The following DNAJC24 variants were observed in gnomAD, a reference collection of about 807,000 sequenced individuals.
The protein encoded by DNAJC24 is dnaJ homolog subfamily C member 24.
In DNAJC24, 17 loss-of-function variants were observed where a neutral mutation model predicts 18.0. That is an observed-to-expected ratio of 0.94 (90% CI 0.65 to 1.42). DNAJC24 has a LOEUF of 1.42. Ranked by LOEUF, DNAJC24 falls within the 40% of genes most tolerant of loss-of-function variation. The pLI is 0.00. For synonymous variants in DNAJC24, 55 were observed against 57.7 expected (o/e 0.95, Z 0.21); for missense variants, 158 against 175.6 (o/e 0.90, Z 0.57).
chr11:31,411,752 A>G (rs1952712828), intron 2 of DNAJC24, among the ~76,000 whole-genome samples: 1 of 152,228 alleles, frequency 6.6e-6, no homozygotes, highest in East Asian at 1.9e-4. Flanking sequence ...TTCCCATTTC[A>G]TGAACTACAA....
chr11:31,419,704 A>G (rs773986866), intron 3 of DNAJC24, among the ~76,000 whole-genome samples: 43 of 152,002 alleles, frequency 2.8e-4, no homozygotes, highest in Admixed American at 1.8e-3. Context: ...ACTTGACCCA[A>G]TTGAAATCAG....
At chr11:31,397,094 C>G (rs574097362) in intron 2 of DNAJC24, among the ~76,000 whole-genome samples, 1 of 152,288 alleles carries the variant, frequency 6.6e-6, no homozygotes, top group African/African-American at 2.4e-5. Context: ...ATGCTGTCAT[C>G]TTATTCATGC....
intron 4 of DNAJC24, chr11:31,426,904 T>G (rs1355693601): frequency 6.6e-6 from 1 of 151,960 alleles, no homozygotes; most frequent in Non-Finnish European, 1.5e-5. Context: ...AAGTCATGTC[T>G]TTTTTGCTTT....
intron 2 of DNAJC24, among the ~76,000 whole-genome samples, chr11:31,387,897 T>G (rs958959452): frequency 2.6e-5 from 4 of 152,082 alleles, no homozygotes; most frequent in Non-Finnish European, 5.9e-5. Context: ...ATCAAATAAA[T>G]TTAACAGAAA....
chr11:31,374,477 A>G (rs1198612017), intron 2 of DNAJC24, among the ~76,000 whole-genome samples: 1 of 134,260 alleles, frequency 7.4e-6, no homozygotes, highest in Non-Finnish European at 1.7e-5. Context: ...TATTATATTT[A>G]TACATTGAGG....
intron 2 of DNAJC24, among the ~76,000 whole-genome samples, chr11:31,372,156 G>C (rs1952271211): frequency 6.6e-6 from 1 of 151,736 alleles, no homozygotes; most frequent in Non-Finnish European, 1.5e-5. Flanking sequence ...TGTAGTATTT[G>C]TAAATATATC....
At chr11:31,381,552 C>T (rs995560038) in intron 2 of DNAJC24, among the ~76,000 whole-genome samples, 2 of 150,710 alleles carry the variant, frequency 1.3e-5, no homozygotes, top group Admixed American at 1.3e-4. Context: ...CTATTCATTA[C>T]TTTTTGGTTA....
chr11:31,399,532 G>C (rs987715961), intron 2 of DNAJC24, among the ~76,000 whole-genome samples: 1 of 150,916 alleles, frequency 6.6e-6, no homozygotes, highest in African/African-American at 2.4e-5. Flanking sequence ...TTCTGCCTCA[G>C]CTTCCTGAGT....
At chr11:31,422,354 C>T (rs1439346470) in intron 3 of DNAJC24, among the ~76,000 whole-genome samples, 3 of 152,260 alleles carry the variant, frequency 2.0e-5, no homozygotes, top group African/African-American at 7.2e-5. Flanking sequence ...CTTTTAGTAT[C>T]ATTGGACTCA....
At position 31,432,701 on chromosome 11, in the gene DNAJC24, A is replaced by C. The variant is rs1175706544; in HGVS notation, c.*2300A>C. 1 of 640,314 alleles carries C rather than the reference A, an allele frequency of 1.6e-6. No individual in the cohort carries two copies. The highest frequency in any genetic ancestry group is 2.8e-6 in the Non-Finnish European group (1 of 356,168). 39.7% of individuals were successfully genotyped at this position (640,314 alleles called of 1,614,324 possible). On this transcript the variant is annotated 3_prime_UTR_variant, in exon 5 of 5. Transcript: ENST00000465995. ...CTCCTTACTCATCAATCAAGAATAA[A>C]ATTTTCTACATCAAAGTAAGACTTG...
intron 2 of DNAJC24, among the ~76,000 whole-genome samples, chr11:31,390,761 T>C (rs1319509974): frequency 1.4e-5 from 2 of 147,790 alleles, no homozygotes; most frequent in African/African-American, 5.0e-5. Context: ...CAGCACCCAA[T>C]GGATTCACTG....
At position 31,401,935 on chromosome 11, in the gene DNAJC24, T is replaced by C. The variant is rs1952604721; in HGVS notation, c.112-12876T>C. On this transcript the variant is annotated intron_variant, in intron 2 of 4. Coordinates refer to ENST00000465995, the MANE Select transcript of DNAJC24 (RefSeq NM_181706.5). ...ATTCACAAAGATTCCATAGCAAGAG[T>C]TGCCGTTACATTACGGAGCCAAATT... Among the ~76,000 whole-genome samples, 3 of 152,088 alleles carry C rather than the reference T, an allele frequency of 2.0e-5. No individual in the cohort carries two copies. The South Asian group carries it at 6.2e-4, about 32-fold the overall frequency.
At chr11:31,383,720 G>A (rs1303408624) in intron 2 of DNAJC24, among the ~76,000 whole-genome samples, 1 of 152,234 alleles carries the variant, frequency 6.6e-6, no homozygotes, top group Non-Finnish European at 1.5e-5. Context: ...CCGGATTGCT[G>A]TATTGTGAGG....
chr11:31,377,898 G>A (rs1222450568), intron 2 of DNAJC24, among the ~76,000 whole-genome samples: 1 of 152,068 alleles, frequency 6.6e-6, no homozygotes, highest in African/African-American at 2.4e-5. Flanking sequence ...GTGCAGGATG[G>A]TCTTGTTGTT....
Position 31,432,541 on chromosome 11 carries a change from A to T in DNAJC24, c.*2140A>T, listed in dbSNP as rs1238412071. 4 of 1,613,142 alleles carry T rather than the reference A, an allele frequency of 2.5e-6. No homozygotes were observed. In the African/African-American group the frequency reaches 5.3e-5, roughly 22 times the overall value. On this transcript the variant is annotated 3_prime_UTR_variant, in exon 5 of 5. Coordinates refer to ENST00000465995, the MANE Select transcript of DNAJC24 (RefSeq NM_181706.5). ...CTGTGGCCATTAGGGCTGGCACGTA[A>T]AAATCCAAAATCACTCAGAGGCCAA...
chr11:31,395,216 C>CT (rs564261437), intron 2 of DNAJC24, among the ~76,000 whole-genome samples: 28 of 152,106 alleles, frequency 1.8e-4, no homozygotes, highest in South Asian at 1.0e-3. Flanking sequence ...TGATCTCATT[C>CT]TTTTTTTTAT....
At chr11:31,420,853 G>T (rs1452646065) in intron 3 of DNAJC24, among the ~76,000 whole-genome samples, 2 of 152,016 alleles carry the variant, frequency 1.3e-5, no homozygotes, top group African/African-American at 4.8e-5. Flanking sequence ...GATATTTGAG[G>T]GTCAGAACAA....
intron 2 of DNAJC24, among the ~76,000 whole-genome samples, chr11:31,393,167 T>C (rs541684827): frequency 2.0e-5 from 3 of 152,296 alleles, no homozygotes; most frequent in East Asian, 3.9e-4. Context: ...CTACCACTTA[T>C]CCTACCTTGC....
chr11:31,422,137 G>T, intron 3 of DNAJC24: 1 of 229,620 alleles, frequency 4.4e-6, no homozygotes, highest in Non-Finnish European at 8.9e-6. Flanking sequence ...TTTCAAGTAA[G>T]CACATACATT....
Sources: gnomAD v4.1 joint callset for allele counts (sites outside exome capture counted in the v4.1 genomes callset) on GRCh38, gnomAD v4.1.1 for gene constraint, MANE v1.5 for transcripts, NCBI Gene and HGNC (gene_info 2026-07-23, HGNC 2026-07-21) for gene names.